The following DNAH11 variants were observed in gnomAD, a reference collection of about 807,000 sequenced individuals.
DNAH11 encodes axonemal beta dynein heavy chain 11.
In DNAH11, 442 loss-of-function variants were observed where a neutral mutation model predicts 526.0. The ratio of observed to expected loss-of-function variants is 0.84; its 90% CI spans 0.78 to 0.91. The LOEUF is 0.91. Ranked by LOEUF, DNAH11 falls within the 40% of genes least tolerant of loss-of-function variation. DNAH11 has a pLI of 0.00. For missense variants in DNAH11, 6,989 were observed against 5,448.7 expected (o/e 1.28, Z -8.90); for synonymous variants, 2,461 against 1,935.9 (o/e 1.27, Z -7.12).
intron 68 of DNAH11, among the ~76,000 whole-genome samples, chr7:21,856,122 G>A (rs959145379): frequency 6.6e-6 from 1 of 152,194 alleles, no homozygotes; most frequent in Admixed American, 6.5e-5. Context: ...AGCAAGAAAT[G>A]AATCTAGAGA....
At chr7:21,624,213 C>T (rs1165987072) in intron 25 of DNAH11, among the ~76,000 whole-genome samples, 1 of 152,028 alleles carries the variant, frequency 6.6e-6, no homozygotes, top group East Asian at 1.9e-4. Flanking sequence ...GAATACCTTT[C>T]AGTGTGTTTG....
chr7:21,734,436 TAA>T (rs1785518324), intron 45 of DNAH11, among the ~76,000 whole-genome samples: 1 of 152,250 alleles, frequency 6.6e-6, no homozygotes. Flanking sequence ...GAATATTTTT[TAA>T]AGAGTTGTCT....
At chr7:21,643,369 T>C (rs1787206177) in intron 28 of DNAH11, among the ~76,000 whole-genome samples, 1 of 152,308 alleles carries the variant, frequency 6.6e-6, no homozygotes, top group Admixed American at 6.5e-5. Flanking sequence ...AAAGGTCTTT[T>C]TGTCTGAGAA....
intron 66 of DNAH11, among the ~76,000 whole-genome samples, chr7:21,843,104 G>A (rs1782277708): frequency 6.6e-6 from 1 of 152,206 alleles, no homozygotes; most frequent in South Asian, 2.1e-4. Flanking sequence ...AGCAAGCTTG[G>A]AAGAATTAAG....
intron 74 of DNAH11, among the ~76,000 whole-genome samples, chr7:21,874,224 G>T (rs79168779): frequency 1.7e-5 from 1 of 59,554 alleles, no homozygotes. Context: ...GTTTTAGCCC[G>T]GTTTGATATG....
chr7:21,645,910 C>G (rs1174457714), intron 28 of DNAH11, among the ~76,000 whole-genome samples: 1 of 152,072 alleles, frequency 6.6e-6, no homozygotes, highest in Non-Finnish European at 1.5e-5. Context: ...AAATTGGACA[C>G]TGAAGTCCTA....
intron 55 of DNAH11, among the ~76,000 whole-genome samples, chr7:21,768,154 C>T (rs537487527): frequency 3.5e-4 from 54 of 152,272 alleles, no homozygotes; most frequent in African/African-American, 1.2e-3. Flanking sequence ...TTTGTGTCAA[C>T]GCACACTACC....
At chr7:21,682,604 C>T (rs1783191208) in intron 31 of DNAH11, among the ~76,000 whole-genome samples, 1 of 151,322 alleles carries the variant, frequency 6.6e-6, no homozygotes, top group Non-Finnish European at 1.5e-5. Context: ...AGAATTTTCT[C>T]ATCCTTCTTT....
intron 45 of DNAH11, among the ~76,000 whole-genome samples, chr7:21,733,025 C>A (rs979107956): frequency 3.9e-5 from 6 of 152,050 alleles, no homozygotes; most frequent in African/African-American, 1.4e-4. Context: ...CAGAGCTTCC[C>A]GTGGAGCACG....
rs1426677812 is a variant in DNAH11, at chr7:21,816,590, C to G, written c.10456C>G (p.Leu3486Val). The G allele has an allele frequency of 2.5e-6, 4 of 1,613,652 alleles. No homozygotes were observed. In the East Asian group the frequency reaches 6.7e-5, roughly 27 times the overall value. ...DRMSTENAAI[L>V]THCERWPLVI... ...AATGTCCACCGAAAATGCCGCTATCCTAACACACTGTGAGCGCTGGCCTCT... is the reference window on the plus strand; with the variant it reads ...AATGTCCACCGAAAATGCCGCTATCGTAACACACTGTGAGCGCTGGCCTCT... Residue 3486 changes from leucine to valine, a missense_variant, in exon 64 of 82, where the codon CTA (leucine) becomes GTA (valine). Leu to Val is a conservative substitution (Grantham distance 32). Coordinates refer to ENST00000409508, the MANE Select transcript of DNAH11 (RefSeq NM_001277115.2).
chr7:21,901,110 A>ACAAGAAAC lies in DNAH11; in HGVS notation c.13411_13418dup (p.Gln4474LysfsTer15). 6.2e-7 allele frequency: 1 copy of ACAAGAAAC among 1,613,492 alleles called. No homozygotes were observed. Among genetic ancestry groups the ACAAGAAAC allele is most frequent in the Non-Finnish European group, 8.5e-7 (1 of 1,179,538 alleles). On this transcript the variant is annotated frameshift_variant, in exon 82 of 82. Coordinates refer to ENST00000409508, the MANE Select transcript of DNAH11 (RefSeq NM_001277115.2). LOFTEE classifies it high-confidence loss of function. ...TTGCAAAAGCCACCCCCGTGGACAG[A>ACAAGAAAC]CAAGAAACCAAACAGACCTACGAGT...
intron 65 of DNAH11, among the ~76,000 whole-genome samples, chr7:21,840,424 C>T (rs1782161726): frequency 6.6e-6 from 1 of 152,092 alleles, no homozygotes; most frequent in Non-Finnish European, 1.5e-5. Context: ...ATATTTTATA[C>T]ACTTAATAAT....
chr7:21,615,424 ATC>A (rs1562702601), intron 21 of DNAH11, among the ~76,000 whole-genome samples, 152 bp downstream of exon 21: 1 of 152,122 alleles, frequency 6.6e-6, no homozygotes, highest in Non-Finnish European at 1.5e-5. Flanking sequence ...GAGTTCATGT[ATC>A]TCTGTTAGTG....
At chr7:21,591,654 A>G (rs1784693954) in intron 14 of DNAH11, 77 bp downstream of exon 14, 1 of 1,354,818 alleles carries the variant, frequency 7.4e-7, no homozygotes, top group Admixed American at 2.4e-5. Context: ...TTAACCTAAT[A>G]ATGTGGGACT....
rs777699962 is a variant in DNAH11 at position 21,735,799 on chromosome 7, T to G, written c.7600T>G (p.Ser2534Ala). 1 of 1,613,858 alleles carries G rather than the reference T, an allele frequency of 6.2e-7. No individual in the cohort carries two copies. Among genetic ancestry groups the G allele is most frequent in the South Asian group, 1.1e-5 (1 of 91,050 alleles). ...LASLSEDYIV[S>A]RVPFNYYTTS... ...AAGTCTCTCTGAGGATTACATAGTATCCCGTGTGCCTTTCAACTACTACAC... is the reference window on the plus strand; with the variant it reads ...AAGTCTCTCTGAGGATTACATAGTAGCCCGTGTGCCTTTCAACTACTACAC... The change falls in exon 46 of 82, where the codon TCC becomes GCC. Residue 2534 changes from serine to alanine, a missense_variant. Transcript: ENST00000409508.
intron 2 of DNAH11, among the ~76,000 whole-genome samples, chr7:21,556,097 T>G (rs967536714): frequency 1.3e-5 from 2 of 152,158 alleles, no homozygotes; most frequent in Admixed American, 6.5e-5. Flanking sequence ...GGGTTACAAT[T>G]CTCACAGACG....
intron 54 of DNAH11, among the ~76,000 whole-genome samples, chr7:21,751,517 G>C (rs1449015191): frequency 6.6e-6 from 1 of 152,194 alleles, no homozygotes; most frequent in Non-Finnish European, 1.5e-5. Flanking sequence ...AATGCTGCTA[G>C]GGAAAATTCA....
Position 21,828,045 on chromosome 7 carries a change from T to C in DNAH11, c.10691+9706T>C, listed in dbSNP as rs1243332316. Among the ~76,000 whole-genome samples, 10 of 152,162 alleles carry C rather than the reference T, an allele frequency of 6.6e-5. No homozygotes were observed. The East Asian group carries it at 1.9e-3, about 29-fold the overall frequency. ...CTCACTGCAACCTCCACCTCCCAAGTTCAAACAATTCCCCTGCCTCAGCCT... is the reference window on the plus strand; with the variant it reads ...CTCACTGCAACCTCCACCTCCCAAGCTCAAACAATTCCCCTGCCTCAGCCT... On this transcript the variant is annotated intron_variant, in intron 65 of 81. Coordinates refer to ENST00000409508, the MANE Select transcript of DNAH11 (RefSeq NM_001277115.2).
chr7:21,630,109 C>T (rs1049350456), intron 25 of DNAH11, among the ~76,000 whole-genome samples: 1 of 151,138 alleles, frequency 6.6e-6, no homozygotes, highest in African/African-American at 2.4e-5. Flanking sequence ...TACCATGAGT[C>T]GTAGAAAAAC....
Sources: gnomAD v4.1 joint callset for allele counts (sites outside exome capture counted in the v4.1 genomes callset) on GRCh38, gnomAD v4.1.1 for gene constraint, MANE v1.5 for transcripts, NCBI Gene and HGNC (gene_info 2026-07-23, HGNC 2026-07-21) for gene names.